Variants in SLC25A33 observed in about 807,000 individuals in gnomAD.
SLC25A33 encodes the protein solute carrier family 25 member 33, also known as bone marrow stromal cell mitochondrial carrier protein.
Under a neutral mutation model 35.5 loss-of-function variants are expected in SLC25A33, and 15 were observed. That is an observed-to-expected ratio of 0.42 (90% CI 0.28 to 0.65). The LOEUF is 0.65. Ranked by LOEUF, SLC25A33 falls within the 30% of genes least tolerant of loss-of-function variation. The pLI is 0.20. For missense variants in SLC25A33, 257 were observed against 398.5 expected (o/e 0.64, Z 3.02); for synonymous variants, 136 against 148.7 (o/e 0.91, Z 0.62).
At chr1:9,545,136 C>T (rs1357784866) in intron 1 of SLC25A33, among the ~76,000 whole-genome samples, 1 of 152,056 alleles carries the variant, frequency 6.6e-6, no homozygotes, top group African/African-American at 2.4e-5. Flanking sequence ...AAATACAAAA[C>T]TTCAGTTTTG....
intron 2 of SLC25A33, among the ~76,000 whole-genome samples, chr1:9,564,739 A>AAAAATATATATATATATATAT (rs60174872): frequency 6.2e-5 from 6 of 96,580 alleles, no homozygotes; most frequent in Admixed American, 1.1e-4. Context: ...AAAAAAAAAA[A>AAAAATATATATATATATATAT]ATATATATAT....
chr1:9,566,680 C>G (rs1017381553), intron 2 of SLC25A33, among the ~76,000 whole-genome samples: 4 of 151,980 alleles, frequency 2.6e-5, no homozygotes, highest in Non-Finnish European at 5.9e-5. Context: ...AACCCCATCT[C>G]TACTAAAAAT....
At chr1:9,563,701 TTCTA>T (rs1197316650) in intron 2 of SLC25A33, among the ~76,000 whole-genome samples, 1 of 152,168 alleles carries the variant, frequency 6.6e-6, no homozygotes, top group Non-Finnish European at 1.5e-5. Context: ...AAGTAAAACA[TTCTA>T]TTAACTTTTT....
chr1:9,547,017 G>A (rs1643183668), intron 1 of SLC25A33, among the ~76,000 whole-genome samples: 1 of 152,186 alleles, frequency 6.6e-6, no homozygotes, highest in East Asian at 1.9e-4. Context: ...ATTGCTCCCA[G>A]GGAAATTATG....
intron 1 of SLC25A33, among the ~76,000 whole-genome samples, chr1:9,545,468 G>T (rs1030635811): frequency 6.6e-6 from 1 of 152,074 alleles, no homozygotes; most frequent in African/African-American, 2.4e-5. Context: ...CGAGATCTTG[G>T]CTCACTGCAA....
intron 2 of SLC25A33, 74 bp downstream of exon 2, chr1:9,553,879 G>A: frequency 2.1e-6 from 3 of 1,462,292 alleles, no homozygotes; most frequent in Non-Finnish European, 2.8e-6. Context: ...TGTTCATCAA[G>A]CTTATCAAAT....
chr1:9,547,151 A>G (rs1050816316), intron 1 of SLC25A33, among the ~76,000 whole-genome samples: 1 of 152,168 alleles, frequency 6.6e-6, no homozygotes, highest in African/African-American at 2.4e-5. Flanking sequence ...CCTCTGTGTG[A>G]CTTAAGAAAT....
In SLC25A33 at chr1:9,550,026, T is replaced by A. The variant is rs1451819376; in HGVS notation, c.57-3600T>A. On this transcript the variant is annotated intron_variant, in intron 1 of 6. Coordinates refer to ENST00000302692, the MANE Select transcript of SLC25A33 (RefSeq NM_032315.3). ...ATATATATATATTTTTTTTTTTTTT[T>A]TTTTTTTTTTTTGAGACGGGGTCTC... 8.4e-4 allele frequency among the ~76,000 whole-genome samples: 97 copies of A among 115,622 alleles called. 3 individuals carry two copies. The highest frequency in any genetic ancestry group is 2.6e-3 in the African/African-American group (78 of 30,010). The allele number at this position is 115,622 out of a possible 152,430, so 75.9% of individuals were successfully genotyped here.
intron 1 of SLC25A33, among the ~76,000 whole-genome samples, chr1:9,542,083 A>G (rs1233682483): frequency 6.6e-6 from 1 of 152,200 alleles, no homozygotes; most frequent in African/African-American, 2.4e-5. Flanking sequence ...GGCATGAGCC[A>G]CTGCGCCCGG....
At chr1:9,557,294 T>C (rs114767304) in intron 2 of SLC25A33, among the ~76,000 whole-genome samples, 2,349 of 152,346 alleles carry the variant, frequency 0.015, 80 homozygotes, top group Admixed American at 0.068. Context: ...CGTTAGTAAG[T>C]AAAATTTTAG....
At chr1:9,581,991 C>G (rs1323664499) in intron 6 of SLC25A33, among the ~76,000 whole-genome samples, 1 of 152,012 alleles carries the variant, frequency 6.6e-6, no homozygotes, top group Non-Finnish European at 1.5e-5. Flanking sequence ...TGGCACGATC[C>G]CGACTCATTG....
intron 1 of SLC25A33, among the ~76,000 whole-genome samples, chr1:9,543,300 C>T (rs1462726759): frequency 1.3e-5 from 2 of 151,408 alleles, no homozygotes; most frequent in Non-Finnish European, 2.9e-5. Flanking sequence ...CACGCCACCA[C>T]GCCCGGCTAA....
At chr1:9,541,147 A>AT (rs1000876306) in intron 1 of SLC25A33, among the ~76,000 whole-genome samples, 28 of 135,708 alleles carry the variant, frequency 2.1e-4, no homozygotes, top group Non-Finnish European at 3.3e-4. Context: ...AGCCTGGCTA[A>AT]TTTTTTTTTT....
chr1:9,582,181 T>C lies in SLC25A33; in HGVS notation c.764-118T>C. Reference sequence around the variant, plus strand: ...CACCCGCCTCGGCCTCCCAAAGTTCTGGGATTACAGGTGTGAGCCACCGCA... The same window carrying C: ...CACCCGCCTCGGCCTCCCAAAGTTCCGGGATTACAGGTGTGAGCCACCGCA... On this transcript the variant is annotated intron_variant, in intron 6 of 6. Transcript: ENST00000302692. The surrounding 1 kb of genome is among the most constrained non-coding windows in gnomAD (Gnocchi z 4.0). 3.7e-6 allele frequency: 4 copies of C among 1,070,380 alleles called. No individual in the cohort carries two copies. The highest frequency in any genetic ancestry group is 5.5e-6 in the Non-Finnish European group (4 of 722,382). 66.3% of individuals were successfully genotyped at this position (1,070,380 alleles called of 1,614,324 possible). A position where few individuals can be genotyped will look rare whatever the true frequency, so the allele number is the denominator to read the frequency against.
chr1:9,554,201 G>A (rs1643308726), intron 2 of SLC25A33, among the ~76,000 whole-genome samples: 1 of 152,110 alleles, frequency 6.6e-6, no homozygotes, highest in African/African-American at 2.4e-5. Context: ...CTTTTTTTGA[G>A]ACAGAAGAAT....
At chr1:9,572,488 G>A (rs1442886447) in intron 4 of SLC25A33, among the ~76,000 whole-genome samples, 1 of 152,146 alleles carries the variant, frequency 6.6e-6, no homozygotes, top group Middle Eastern at 3.4e-3. Flanking sequence ...CGCGGTGGCG[G>A]GCACCTGTAG....
chr1:9,564,739 A>AAAAT lies in SLC25A33; in HGVS notation c.237-2544_237-2543insAATA, dbSNP rs60174872. Among the ~76,000 whole-genome samples the AAAAT allele has an allele frequency of 3.2e-3, 311 of 96,518 alleles. 4 individuals carry two copies. The highest frequency in any genetic ancestry group is 0.013 in the African/African-American group (293 of 22,622). The allele number at this position is 96,518 out of a possible 152,430, so 63.3% of individuals were successfully genotyped here. A position where few individuals can be genotyped will look rare whatever the true frequency, so the allele number is the denominator to read the frequency against. On this transcript the variant is annotated intron_variant, in intron 2 of 6. Coordinates refer to ENST00000302692, the MANE Select transcript of SLC25A33 (RefSeq NM_032315.3). ...TCGTCTCTATTTAAAAAAAAAAAAA[A>AAAAT]ATATATATATATATATATATATATA...
At chr1:9,550,144 G>A (rs1022517628) in intron 1 of SLC25A33, among the ~76,000 whole-genome samples, 13 of 146,596 alleles carry the variant, frequency 8.9e-5, no homozygotes, top group Non-Finnish European at 1.5e-4. Flanking sequence ...GGGACTACAG[G>A]TGTACACCAC....
intron 4 of SLC25A33, among the ~76,000 whole-genome samples, chr1:9,570,714 T>G (rs1032477351): frequency 1.4e-5 from 2 of 144,858 alleles, no homozygotes; most frequent in African/African-American, 2.5e-5. Flanking sequence ...TTTTTTTTTT[T>G]TTTTTTTTTT....
Sources: allele counts gnomAD v4.1 joint callset (sites outside exome capture counted in the v4.1 genomes callset), GRCh38; gene constraint gnomAD v4.1.1; non-coding constraint Gnocchi (gnomAD v3.1); transcripts MANE v1.5; gene names NCBI Gene and HGNC (gene_info 2026-07-23, HGNC 2026-07-21).